The following CTNNA3 variants were observed in gnomAD, a reference collection of about 807,000 sequenced individuals.
The protein encoded by CTNNA3 is catenin alpha 3, also known as catenin alpha-3.
CTNNA3 carries 76 observed loss-of-function variants against 95.7 expected under a neutral mutation model. The observed-to-expected ratio is 0.79, with a 90% CI of 0.66 to 0.96. The LOEUF (loss-of-function observed/expected upper bound fraction) is 0.96, where lower values mean the gene tolerates loss of function less well. Among genes scored for constraint, CTNNA3 ranks in the 40% least tolerant of loss-of-function variants. The probability of loss-of-function intolerance (pLI) is 0.00; values close to 1 mark genes in which losing one functional copy is unlikely to be tolerated. For missense variants in CTNNA3, 1,191 were observed against 1,089.8 expected (o/e 1.09, Z -1.31); for synonymous variants, 431 against 374.4 (o/e 1.15, Z -1.74).
intron 16 of CTNNA3, among the ~76,000 whole-genome samples, chr10:65,975,856 T>C (rs1179697474): frequency 1.8e-4 from 28 of 152,170 alleles, no homozygotes; most frequent in Admixed American, 1.8e-3. Context: ...TTTTTTGTTA[T>C]TATTGCTTTC....
At chr10:66,581,397 C>T (rs1267521837) in intron 10 of CTNNA3, among the ~76,000 whole-genome samples, 7 of 136,616 alleles carry the variant, frequency 5.1e-5, no homozygotes, top group South Asian at 4.9e-4. Context: ...CACGTCCACC[C>T]GAGCATCTTT....
chr10:67,715,341 C>T (rs1193758683), intron 1 of CTNNA3, among the ~76,000 whole-genome samples: 2 of 151,970 alleles, frequency 1.3e-5, no homozygotes, highest in Non-Finnish European at 2.9e-5. Flanking sequence ...ATGAACAGTG[C>T]AAGAACAAGA....
At chr10:67,027,418 C>CT (rs1215556346) in intron 7 of CTNNA3, among the ~76,000 whole-genome samples, 1 of 145,292 alleles carries the variant, frequency 6.9e-6, no homozygotes, top group East Asian at 2.0e-4. Context: ...AATGACTTGC[C>CT]TTTTTTTTCT....
chr10:66,574,472 A>G (rs1842950687), intron 10 of CTNNA3, among the ~76,000 whole-genome samples: 1 of 152,118 alleles, frequency 6.6e-6, no homozygotes, highest in Non-Finnish European at 1.5e-5. Context: ...TTTAAAAAGA[A>G]ATTAGAATAA....
chr10:67,253,918 AC>A, intron 5 of CTNNA3, among the ~76,000 whole-genome samples: 1 of 152,312 alleles, frequency 6.6e-6, no homozygotes, highest in Admixed American at 6.5e-5. Context: ...GATCCAGTAT[AC>A]CAGGAATGAA....
At chr10:66,426,572 CTT>C (rs1437183711) in intron 11 of CTNNA3, among the ~76,000 whole-genome samples, 1 of 152,016 alleles carries the variant, frequency 6.6e-6, no homozygotes, top group East Asian at 1.9e-4. Flanking sequence ...TCACATAAAA[CTT>C]AATTGCTTTG....
chr10:66,350,756 G>A (rs1490277015), intron 12 of CTNNA3, among the ~76,000 whole-genome samples: 3 of 152,004 alleles, frequency 2.0e-5, no homozygotes, highest in African/African-American at 7.2e-5. Context: ...TTAAACACAA[G>A]TTGGAGGAAT....
In CTNNA3 at chr10:66,120,982, A is replaced by G. The variant is rs561976623; in HGVS notation, c.1885-17733T>C. On this transcript the variant is annotated intron_variant, in intron 13 of 17. Transcript: ENST00000433211. ...GAAAATAACCCAGGTGCGAAGGCCA[A>G]TGGTTTTCATACATTTCAAGCTTCT... Among the ~76,000 whole-genome samples, 3 of 152,282 alleles carry G rather than the reference A, an allele frequency of 2.0e-5. No homozygotes were observed. The East Asian group carries it at 5.8e-4, about 29-fold the overall frequency.
chr10:66,701,079 A>G (rs1424636568), intron 9 of CTNNA3, among the ~76,000 whole-genome samples: 2 of 152,142 alleles, frequency 1.3e-5, no homozygotes, highest in African/African-American at 2.4e-5. Flanking sequence ...TGAATTTTTT[A>G]TATTAATAAC....
chr10:66,304,269 A>C (rs1224384010), intron 12 of CTNNA3, among the ~76,000 whole-genome samples: 1 of 152,192 alleles, frequency 6.6e-6, no homozygotes, highest in Non-Finnish European at 1.5e-5. Flanking sequence ...GTTGTTAAAC[A>C]TCTGAACTCC....
chr10:66,679,377 G>C (rs1046204861), intron 9 of CTNNA3, among the ~76,000 whole-genome samples: 1 of 152,184 alleles, frequency 6.6e-6, no homozygotes, highest in African/African-American at 2.4e-5. Flanking sequence ...GTAAATACAA[G>C]ATGAGAGTGT....
At chr10:66,331,345 T>A (rs1309877408) in intron 12 of CTNNA3, among the ~76,000 whole-genome samples, 1 of 23,710 alleles carries the variant, frequency 4.2e-5, no homozygotes, top group South Asian at 2.2e-3. Context: ...ATTGTTTGTT[T>A]TTTTTTTTTT....
At chr10:67,109,493 A>T (rs1167647538) in intron 7 of CTNNA3, among the ~76,000 whole-genome samples, 2 of 152,220 alleles carry the variant, frequency 1.3e-5, no homozygotes, top group Non-Finnish European at 2.9e-5. Flanking sequence ...AGATGAACCA[A>T]AGTAGTATTA....
intron 10 of CTNNA3, among the ~76,000 whole-genome samples, chr10:66,524,488 A>G (rs1227313371): frequency 6.8e-6 from 1 of 146,166 alleles, no homozygotes; most frequent in Non-Finnish European, 1.5e-5. Flanking sequence ...CAATTCAAGA[A>G]GAGTTAATCT....
intron 5 of CTNNA3, among the ~76,000 whole-genome samples, chr10:67,230,364 A>G (rs540926273): frequency 6.6e-6 from 1 of 152,200 alleles, no homozygotes; most frequent in South Asian, 2.1e-4. Context: ...GAAATTATAA[A>G]AACTCTATAC....
chr10:66,294,927 C>T (rs558247363), intron 12 of CTNNA3, among the ~76,000 whole-genome samples: 2 of 148,910 alleles, frequency 1.3e-5, no homozygotes, highest in South Asian at 4.2e-4. Context: ...ATTTGGTAAA[C>T]ATTTGCATTG....
At chr10:67,750,837 T>C in intron 1 of CTNNA3, 1 of 1,610,982 alleles carries the variant, frequency 6.2e-7, no homozygotes, top group Non-Finnish European at 8.5e-7. Flanking sequence ...CTAACCAGGT[T>C]GAGTGTCACC....
intron 9 of CTNNA3, among the ~76,000 whole-genome samples, chr10:66,716,450 A>C (rs763274760): frequency 2.6e-5 from 4 of 152,168 alleles, no homozygotes; most frequent in African/African-American, 4.8e-5. Context: ...TTCAAACTGC[A>C]AATGTTCATG....
chr10:67,717,008 G>A (rs1239322711), intron 1 of CTNNA3, among the ~76,000 whole-genome samples: 5 of 152,022 alleles, frequency 3.3e-5, no homozygotes, highest in African/African-American at 7.2e-5. Context: ...TTTAATGATC[G>A]CCAGTCTAAC....
Sources: allele counts gnomAD v4.1 joint callset (sites outside exome capture counted in the v4.1 genomes callset), GRCh38; gene constraint gnomAD v4.1.1; transcripts MANE v1.5; gene names NCBI Gene and HGNC (gene_info 2026-07-23, HGNC 2026-07-21).